The following TNKS variants were observed in gnomAD, a reference collection of about 807,000 sequenced individuals.
TNKS encodes the protein tankyrase, also known as poly [ADP-ribose] polymerase tankyrase-1.
A neutral mutation model predicts 135.8 loss-of-function variants in TNKS; 72 were observed. That is an observed-to-expected ratio of 0.53 (90% CI 0.44 to 0.64). TNKS has a LOEUF of 0.64. Among genes scored for constraint, TNKS ranks in the 30% least tolerant of loss-of-function variants. TNKS has a pLI of 0.00. For missense variants in TNKS, 1,769 were observed against 1,674.0 expected (o/e 1.06, Z -0.99); for synonymous variants, 849 against 649.3 (o/e 1.31, Z -4.68).
At chr8:9,707,547 C>G (rs895425113) in intron 8 of TNKS, among the ~76,000 whole-genome samples, 4 of 152,072 alleles carry the variant, frequency 2.6e-5, no homozygotes, top group Non-Finnish European at 4.4e-5. Flanking sequence ...TAATCACTTT[C>G]CCATATTTAA....
chr8:9,578,028 TA>T (rs1002090217), intron 1 of TNKS, among the ~76,000 whole-genome samples: 1 of 152,154 alleles, frequency 6.6e-6, no homozygotes, highest in African/African-American at 2.4e-5. Flanking sequence ...TGTTCAATCT[TA>T]AAGTTCCAAA....
chr8:9,742,443 T>C (rs1806016184), intron 17 of TNKS, among the ~76,000 whole-genome samples: 1 of 151,938 alleles, frequency 6.6e-6, no homozygotes, highest in Non-Finnish European at 1.5e-5. Flanking sequence ...GTATTTTCCC[T>C]GTTCACGATC....
At chr8:9,579,069 C>G (rs1281193034) in intron 1 of TNKS, among the ~76,000 whole-genome samples, 1 of 152,126 alleles carries the variant, frequency 6.6e-6, no homozygotes, top group East Asian at 1.9e-4. Context: ...GTATTTCTTA[C>G]CTTTCTAAGT....
At chr8:9,604,286 C>T (rs961019509) in intron 2 of TNKS, among the ~76,000 whole-genome samples, 1 of 152,030 alleles carries the variant, frequency 6.6e-6, no homozygotes, top group Non-Finnish European at 1.5e-5. Flanking sequence ...ATGTACAAAA[C>T]CTTTGAGTGT....
At chr8:9,715,596 GTC>G (rs1296347287) in intron 11 of TNKS, among the ~76,000 whole-genome samples, 1 of 152,134 alleles carries the variant, frequency 6.6e-6, no homozygotes, top group Non-Finnish European at 1.5e-5. Flanking sequence ...GACCAAAAGA[GTC>G]TGTTGATGTG....
intron 13 of TNKS, among the ~76,000 whole-genome samples, chr8:9,730,016 C>T (rs1805355502): frequency 6.6e-6 from 1 of 152,108 alleles, no homozygotes; most frequent in African/African-American, 2.4e-5. Context: ...ACCTCGTGAT[C>T]TGCCTGCCTT....
chr8:9,726,281 C>T (rs1213441670), intron 12 of TNKS, among the ~76,000 whole-genome samples: 1 of 152,092 alleles, frequency 6.6e-6, no homozygotes, highest in Non-Finnish European at 1.5e-5. Flanking sequence ...GTCTCAGCTA[C>T]TTGGGGCTGA....
intron 17 of TNKS, among the ~76,000 whole-genome samples, chr8:9,746,938 G>A (rs564421518): frequency 2.4e-4 from 33 of 139,704 alleles, no homozygotes; most frequent in African/African-American, 8.1e-4. Flanking sequence ...GCTGCGGTGC[G>A]GTGGTGCAAT....
At chr8:9,637,811 G>C (rs1391210745) in intron 3 of TNKS, among the ~76,000 whole-genome samples, 9 of 152,152 alleles carry the variant, frequency 5.9e-5, no homozygotes, top group Non-Finnish European at 1.2e-4. Flanking sequence ...CAGGAATAAA[G>C]AAGGGAAAGA....
At chr8:9,615,818 A>G (rs1799625209) in intron 3 of TNKS, 141 bp downstream of exon 3, 2 of 621,928 alleles carry the variant, frequency 3.2e-6, no homozygotes, top group Admixed American at 3.0e-5. Flanking sequence ...TTTATTATTG[A>G]TTTGATATCT....
At chr8:9,629,984 C>T (rs1265034152) in intron 3 of TNKS, among the ~76,000 whole-genome samples, 4 of 152,112 alleles carry the variant, frequency 2.6e-5, no homozygotes, top group Admixed American at 6.5e-5. Flanking sequence ...GTCCGGCCAA[C>T]TACTTTCTCT....
chr8:9,762,727 C>CCTGT (rs1197513520), intron 21 of TNKS, among the ~76,000 whole-genome samples: 1 of 151,806 alleles, frequency 6.6e-6, no homozygotes, highest in Non-Finnish European at 1.5e-5. Context: ...ATGATGAAAC[C>CCTGT]CTGTCTCTAC....
chr8:9,668,296 G>A (rs1225948306), intron 3 of TNKS, among the ~76,000 whole-genome samples: 1 of 152,034 alleles, frequency 6.6e-6, no homozygotes, highest in African/African-American at 2.4e-5. Context: ...CCTTTTTTGG[G>A]TCATGGACCA....
rs1475131068 is a variant in TNKS, at chr8:9,779,275, A to G, written c.*2539A>G. 1 of 152,686 alleles carries G rather than the reference A, an allele frequency of 6.5e-6. No homozygotes were observed. Among genetic ancestry groups the G allele is most frequent in the Non-Finnish European group, 1.5e-5 (1 of 68,046 alleles). The allele number at this position is 152,686 out of a possible 1,614,324, so 9.5% of individuals were successfully genotyped here. A position where few individuals can be genotyped will look rare whatever the true frequency, so the allele number is the denominator to read the frequency against. Reference sequence around the variant, plus strand: ...ATTTGGGATTTTCATCTGTAGCCGTATGAAGAACCCTTTCCAATATAAAAG... The same window carrying G: ...ATTTGGGATTTTCATCTGTAGCCGTGTGAAGAACCCTTTCCAATATAAAAG... On this transcript the variant is annotated 3_prime_UTR_variant, in exon 27 of 27. Transcript: ENST00000310430.
intron 3 of TNKS, among the ~76,000 whole-genome samples, chr8:9,619,692 C>G (rs1195407192): frequency 7.2e-5 from 11 of 152,214 alleles, no homozygotes; most frequent in Non-Finnish European, 1.5e-4. Flanking sequence ...TATAAGGAAT[C>G]AGCTGTGGCT....
At chr8:9,733,140 G>A in intron 14 of TNKS, 139 bp from the exon 15 acceptor site, 1 of 605,280 alleles carries the variant, frequency 1.7e-6, no homozygotes. Context: ...ATATCTTAAA[G>A]AACAGAGGTG....
chr8:9,706,181 A>C lies in TNKS; in HGVS notation c.1203-6A>C. 1 of 1,561,710 alleles carries C rather than the reference A, an allele frequency of 6.4e-7. No individual in the cohort carries two copies. Among genetic ancestry groups the C allele is most frequent in the Non-Finnish European group, 8.6e-7 (1 of 1,160,098 alleles). ...TAAGTATTTTAATTTGCCTCTTTTC[A>C]TTTAGTGGACTTGTGCCTCTTCATA... On this transcript the variant is annotated splice_polypyrimidine_tract_variant and splice_region_variant and intron_variant, in intron 6 of 26. Coordinates refer to ENST00000310430, the MANE Select transcript of TNKS (RefSeq NM_003747.3).
chr8:9,743,484 G>C lies in TNKS; in HGVS notation c.2644-4540G>C, dbSNP rs143126556. Reference sequence around the variant, plus strand: ...CTCAGTAGTAAAAGTTGGATTCCAAGACCTCCTTTCCAGCTTGTTGTAATG... The same window carrying C: ...CTCAGTAGTAAAAGTTGGATTCCAACACCTCCTTTCCAGCTTGTTGTAATG... On this transcript the variant is annotated intron_variant, in intron 17 of 26. Coordinates refer to ENST00000310430, the MANE Select transcript of TNKS (RefSeq NM_003747.3). The C allele has an allele frequency of 5.3e-5, 8 of 152,262 alleles. No individual in the cohort carries two copies. In the East Asian group the frequency reaches 1.5e-3, roughly 29 times the overall value. 9.4% of individuals were successfully genotyped at this position (152,262 alleles called of 1,614,324 possible).
rs576044005 is a variant in TNKS, at chr8:9,730,392, A to G, written c.2002-498A>G. Among the ~76,000 whole-genome samples the G allele has an allele frequency of 7.0e-4, 106 of 152,336 alleles. 3 individuals are homozygous for G. In the South Asian group the frequency reaches 0.021, roughly 31 times the overall value. The stretch of plus-strand genomic sequence containing the variant: ...GCACTGTTGACGACATAGCTTTGCT[A>G]CAGTCAATCAAAAGACCCAGGGAGT... On this transcript the variant is annotated intron_variant, in intron 13 of 26. Transcript: ENST00000310430.
Sources: allele counts gnomAD v4.1 joint callset (sites outside exome capture counted in the v4.1 genomes callset), GRCh38; gene constraint gnomAD v4.1.1; transcripts MANE v1.5; gene names NCBI Gene and HGNC (gene_info 2026-07-23, HGNC 2026-07-21).